The following SNTG1 variants were observed in gnomAD, a reference collection of about 807,000 sequenced individuals.
SNTG1 encodes the protein gamma-1-syntrophin.
A neutral mutation model predicts 74.7 loss-of-function variants in SNTG1; 39 were observed. The observed-to-expected ratio is 0.52, with a 90% CI of 0.40 to 0.68. SNTG1 has a LOEUF of 0.68. Among genes scored for constraint, SNTG1 ranks in the 30% least tolerant of loss-of-function variants. SNTG1 has a pLI of 0.00. For missense variants in SNTG1, 685 were observed against 609.5 expected, an observed-to-expected ratio of 1.12 and a Z score of -1.30; for synonymous variants, 254 against 217.1, an observed-to-expected ratio of 1.17 and a Z score of -1.49.
At chr8:49,914,174 G>A (rs575114325) in intron 1 of SNTG1, among the ~76,000 whole-genome samples, 1 of 152,080 alleles carries the variant, frequency 6.6e-6, no homozygotes, top group African/African-American at 2.4e-5. Flanking sequence ...CAAACAAAAA[G>A]GGGGTAGTGG....
At chr8:50,126,702 G>A (rs576197916) in intron 1 of SNTG1, among the ~76,000 whole-genome samples, 1 of 152,198 alleles carries the variant, frequency 6.6e-6, no homozygotes, top group East Asian at 1.9e-4. Flanking sequence ...TCATATTGTA[G>A]AGGAAGGTGT....
intron 9 of SNTG1, among the ~76,000 whole-genome samples, chr8:50,503,878 C>A (rs1199588313): frequency 1.3e-5 from 2 of 152,074 alleles, no homozygotes; most frequent in Non-Finnish European, 2.9e-5. Flanking sequence ...TTCAGGGGTA[C>A]AAATGCAGGG....
intron 1 of SNTG1, among the ~76,000 whole-genome samples, chr8:49,995,470 AC>A (rs1412479977): frequency 6.6e-6 from 1 of 152,180 alleles, no homozygotes; most frequent in East Asian, 1.9e-4. Context: ...AGAGCTAAGA[AC>A]CCAGTGGAGT....
At chr8:50,138,384 G>A (rs556326463) in intron 1 of SNTG1, among the ~76,000 whole-genome samples, 9 of 152,008 alleles carry the variant, frequency 5.9e-5, no homozygotes, top group South Asian at 2.1e-4. Flanking sequence ...TTGGGAGGCC[G>A]AGGTGGGTGG....
At chr8:50,115,581 A>AAAAAAAAAAAAAAAAAAAAAAC (rs1563617770) in intron 1 of SNTG1, among the ~76,000 whole-genome samples, 1 of 147,722 alleles carries the variant, frequency 6.8e-6, no homozygotes, top group African/African-American at 2.5e-5. Context: ...AAAAAAAAAA[A>AAAAAAAAAAAAAAAAAAAAAAC]AAAAAACGAG....
intron 13 of SNTG1, among the ~76,000 whole-genome samples, chr8:50,594,009 C>T (rs1461771210): frequency 6.6e-6 from 1 of 152,184 alleles, no homozygotes; most frequent in Non-Finnish European, 1.5e-5. Context: ...TGAGCCACAA[C>T]ACCCAACCTG....
chr8:50,105,963 A>G (rs1041338877), intron 1 of SNTG1, among the ~76,000 whole-genome samples: 3 of 152,126 alleles, frequency 2.0e-5, no homozygotes, highest in Non-Finnish European at 4.4e-5. Context: ...GTATAGAATC[A>G]TATCATCTGC....
At chr8:50,180,451 G>C (rs917024678) in intron 2 of SNTG1, among the ~76,000 whole-genome samples, 8 of 152,076 alleles carry the variant, frequency 5.3e-5, no homozygotes, top group African/African-American at 1.2e-4. Flanking sequence ...AAAAAAGAAA[G>C]TAATAAAACG....
At chr8:49,982,201 G>T (rs1057209689) in intron 1 of SNTG1, among the ~76,000 whole-genome samples, 8 of 152,108 alleles carry the variant, frequency 5.3e-5, no homozygotes, top group African/African-American at 1.9e-4. Flanking sequence ...GAGTATGTCA[G>T]ATCCTTCAGT....
At chr8:50,503,485 C>T (rs1006751835) in intron 9 of SNTG1, among the ~76,000 whole-genome samples, 4 of 152,146 alleles carry the variant, frequency 2.6e-5, no homozygotes, top group Non-Finnish European at 5.9e-5. Context: ...TGAAAAGGCA[C>T]ACATTTGCTT....
At chr8:49,991,852 T>G (rs1813724297) in intron 1 of SNTG1, among the ~76,000 whole-genome samples, 1 of 152,184 alleles carries the variant, frequency 6.6e-6, no homozygotes. Context: ...TTTGGTATGG[T>G]GGCATGTTCT....
chr8:50,041,433 C>T (rs1818632064), intron 1 of SNTG1, among the ~76,000 whole-genome samples: 1 of 152,122 alleles, frequency 6.6e-6, no homozygotes, highest in Non-Finnish European at 1.5e-5. Flanking sequence ...AATGTTGCAA[C>T]ATTAATGACA....
intron 2 of SNTG1, among the ~76,000 whole-genome samples, chr8:50,236,365 A>G (rs1217169013): frequency 1.3e-5 from 2 of 152,014 alleles, no homozygotes; most frequent in African/African-American, 4.8e-5. Flanking sequence ...CTTCCAAGGT[A>G]TGATTCCGGT....
intron 1 of SNTG1, among the ~76,000 whole-genome samples, chr8:49,946,500 AG>A (rs753082682): frequency 1.3e-5 from 2 of 152,232 alleles, no homozygotes; most frequent in Non-Finnish European, 2.9e-5. Context: ...AATATTTGAA[AG>A]GCACTGGTTT....
chr8:50,440,574 A>G (rs1452833262), intron 5 of SNTG1, among the ~76,000 whole-genome samples: 1 of 152,246 alleles, frequency 6.6e-6, no homozygotes, highest in Non-Finnish European at 1.5e-5. Flanking sequence ...AAGCAGAATT[A>G]GTATTTTAAT....
At chr8:50,663,143 A>G (rs1477240584) in intron 15 of SNTG1, among the ~76,000 whole-genome samples, 1 of 152,124 alleles carries the variant, frequency 6.6e-6, no homozygotes, top group Non-Finnish European at 1.5e-5. Context: ...TCCAAGGAAT[A>G]ATGTATAAAC....
chr8:50,632,030 A>C (rs1004113881), intron 13 of SNTG1, among the ~76,000 whole-genome samples: 2 of 152,204 alleles, frequency 1.3e-5, no homozygotes, highest in Non-Finnish European at 2.9e-5. Flanking sequence ...AAATACTTCA[A>C]AATGAGGTCA....
At chr8:50,009,312 A>G (rs931898913) in intron 1 of SNTG1, among the ~76,000 whole-genome samples, 2 of 152,014 alleles carry the variant, frequency 1.3e-5, no homozygotes, top group Non-Finnish European at 2.9e-5. Flanking sequence ...TAATGTTCTT[A>G]TTGTGCATGA....
chr8:50,237,912 C>A (rs2085987423), intron 2 of SNTG1, among the ~76,000 whole-genome samples: 1 of 152,130 alleles, frequency 6.6e-6, no homozygotes, highest in Non-Finnish European at 1.5e-5. Context: ...ACTCTGGCTA[C>A]TCATTACTAC....
Sources: allele counts gnomAD v4.1 joint callset (sites outside exome capture counted in the v4.1 genomes callset), GRCh38; gene constraint gnomAD v4.1.1; transcripts MANE v1.5; gene names NCBI Gene and HGNC (gene_info 2026-07-23, HGNC 2026-07-21).